Variants in TIMP3 observed in about 807,000 individuals in gnomAD.
The protein encoded by TIMP3 is metalloproteinase inhibitor 3.
TIMP3 carries 11 observed loss-of-function variants against 30.0 expected under a neutral mutation model. The ratio of observed to expected loss-of-function variants is 0.37; its 90% CI spans 0.23 to 0.61. The LOEUF (loss-of-function observed/expected upper bound fraction) is 0.61. TIMP3 is among the 20% of genes least tolerant of loss of function. The probability of loss-of-function intolerance (pLI) is 0.70; values close to 1 mark genes in which losing one functional copy is unlikely to be tolerated. For synonymous variants in TIMP3, 112 were observed against 111.3 expected, an observed-to-expected ratio of 1.01 and a Z score of -0.04; for missense variants, 181 against 276.8, an observed-to-expected ratio of 0.65 and a Z score of 2.45.
chr22:32,803,752 G>A (rs1265755376), intron 1 of TIMP3, among the ~76,000 whole-genome samples: 7 of 152,188 alleles, frequency 4.6e-5, no homozygotes, highest in Non-Finnish European at 2.9e-5. Flanking sequence ...ACACACGTGC[G>A]GCCAGGAGGC....
intron 1 of TIMP3, among the ~76,000 whole-genome samples, chr22:32,815,438 T>C (rs1281105521): frequency 6.6e-6 from 1 of 152,218 alleles, no homozygotes; most frequent in Admixed American, 6.5e-5. Flanking sequence ...GATAATATTT[T>C]AACATTTATT....
intron 1 of TIMP3, among the ~76,000 whole-genome samples, chr22:32,802,731 C>T (rs1355540946): frequency 6.6e-6 from 1 of 152,150 alleles, no homozygotes; most frequent in East Asian, 1.9e-4. Context: ...GTGGCATTGA[C>T]CCACGCCCTG....
chr22:32,834,309 C>T (rs1183316329), intron 1 of TIMP3, among the ~76,000 whole-genome samples: 1 of 140,458 alleles, frequency 7.1e-6, no homozygotes, highest in Non-Finnish European at 1.5e-5. Context: ...CCCTCCACCA[C>T]ATCTGGCTAA....
rs555395844 is a variant in TIMP3 at position 32,826,681 on chromosome 22, CTTAG to C, written c.122-22766_122-22763del. 5.9e-5 allele frequency among the ~76,000 whole-genome samples: 9 copies of C among 152,308 alleles called. No homozygotes were observed. The South Asian group carries it at 8.3e-4, about 14-fold the overall frequency. On this transcript the variant is annotated intron_variant, in intron 1 of 4. Coordinates refer to ENST00000266085, the MANE Select transcript of TIMP3 (RefSeq NM_000362.5). ...TTCTCTTCTCTGAACTTCCTGGCATCTTAGTTAGCCTATTTGAGCTGGAATAAAA... is the reference window on the plus strand; with the variant it reads ...TTCTCTTCTCTGAACTTCCTGGCATCTTAGCCTATTTGAGCTGGAATAAAA...
intron 1 of TIMP3, among the ~76,000 whole-genome samples, chr22:32,829,293 C>T (rs1202549990): frequency 6.6e-6 from 1 of 152,232 alleles, no homozygotes; most frequent in African/African-American, 2.4e-5. Context: ...AATTGCTCCC[C>T]CAGCTTACTG....
At chr22:32,826,490 G>C (rs1167106477) in intron 1 of TIMP3, among the ~76,000 whole-genome samples, 14 of 152,012 alleles carry the variant, frequency 9.2e-5, no homozygotes, top group African/African-American at 3.1e-4. Flanking sequence ...AAAATAAAGA[G>C]CATGGAGAAA....
At chr22:32,846,156 A>C (rs1377413391) in intron 1 of TIMP3, among the ~76,000 whole-genome samples, 1 of 152,184 alleles carries the variant, frequency 6.6e-6, no homozygotes, top group Non-Finnish European at 1.5e-5. Context: ...TGGAACCATG[A>C]CTGTGATCTT....
At position 32,862,224 on chromosome 22, in the gene TIMP3, G is replaced by T. The variant is rs1009497734; in HGVS notation, c.*2847G>T. Reference sequence around the variant, plus strand: ...AGCCATGATTTTCCTAAGAATCCAGGGCCATGGGAGATACAATTCCAAGTT... The same window carrying T: ...AGCCATGATTTTCCTAAGAATCCAGTGCCATGGGAGATACAATTCCAAGTT... On this transcript the variant is annotated 3_prime_UTR_variant, in exon 5 of 5. Coordinates refer to ENST00000266085, the MANE Select transcript of TIMP3 (RefSeq NM_000362.5). 6.6e-6 allele frequency: 1 copy of T among 152,168 alleles called. No homozygotes were observed. The highest frequency in any genetic ancestry group is 2.4e-5 in the African/African-American group (1 of 41,416). The allele number at this position is 152,168 out of a possible 1,614,324, so 9.4% of individuals were successfully genotyped here.
At chr22:32,812,216 T>C (rs2046934461) in intron 1 of TIMP3, among the ~76,000 whole-genome samples, 1 of 152,208 alleles carries the variant, frequency 6.6e-6, no homozygotes, top group African/African-American at 2.4e-5. Context: ...CTCTCTACTT[T>C]AGCTGAATAA....
intron 1 of TIMP3, among the ~76,000 whole-genome samples, chr22:32,822,800 T>A (rs2047288142): frequency 6.6e-6 from 1 of 152,066 alleles, no homozygotes; most frequent in Non-Finnish European, 1.5e-5. Flanking sequence ...TAATGGATGG[T>A]CCAAAGAAAG....
chr22:32,837,285 G>A lies in TIMP3; in HGVS notation c.122-12167G>A, dbSNP rs771807445. Among the ~76,000 whole-genome samples the A allele has an allele frequency of 2.2e-4, 34 of 152,208 alleles. No homozygotes were observed. The highest frequency in any genetic ancestry group is 3.8e-4 in the Non-Finnish European group (26 of 68,050). On this transcript the variant is annotated intron_variant, in intron 1 of 4. Coordinates refer to ENST00000266085, the MANE Select transcript of TIMP3 (RefSeq NM_000362.5). This position sits in a 1 kb window ranked among gnomAD's most constrained non-coding sequence, Gnocchi z 4.1. ...ACTTGTGTGGGATAAAGTTTCCCAT[G>A]GGCCCCCGTGGAGAGGCTGGAGCAC... is the stretch of plus-strand genomic sequence containing the variant.
intron 1 of TIMP3, among the ~76,000 whole-genome samples, chr22:32,808,879 T>C (rs1467891120): frequency 6.6e-6 from 1 of 152,160 alleles, no homozygotes; most frequent in East Asian, 1.9e-4. Context: ...AGAAAGAACT[T>C]AGGGCTGCGT....
chr22:32,811,493 G>C, intron 1 of TIMP3, among the ~76,000 whole-genome samples: 1 of 152,148 alleles, frequency 6.6e-6, no homozygotes, highest in Admixed American at 6.5e-5. Flanking sequence ...AGAGAGCTGA[G>C]TTTCAATTCA....
chr22:32,846,235 T>C (rs960160415), intron 1 of TIMP3, among the ~76,000 whole-genome samples: 1 of 152,216 alleles, frequency 6.6e-6, no homozygotes, highest in African/African-American at 2.4e-5. Flanking sequence ...GTACATGTGA[T>C]AGAGTAGGCA....
chr22:32,807,936 A>G (rs1375132071), intron 1 of TIMP3, among the ~76,000 whole-genome samples: 3 of 152,210 alleles, frequency 2.0e-5, no homozygotes, highest in Non-Finnish European at 4.4e-5. Context: ...TCTCTCAAAT[A>G]GAAAAACAAT....
rs2048159184 is a variant in TIMP3 at position 32,849,496 on chromosome 22, C to T, written c.166C>T (p.Pro56Ser). 1 of 1,613,716 alleles carries T rather than the reference C, an allele frequency of 6.2e-7. No homozygotes were observed. Among genetic ancestry groups the T allele is most frequent in the Non-Finnish European group, 8.5e-7 (1 of 1,179,856 alleles). ...VVGKKLVKEG[P>S]FGTLVYTIKQ... Reference sequence around the variant, plus strand: ...GGGGAAGAAGCTGGTAAAGGAGGGGCCCTTCGGCACGCTGGTCTACACCAT... The same window carrying T: ...GGGGAAGAAGCTGGTAAAGGAGGGGTCCTTCGGCACGCTGGTCTACACCAT... The change falls in exon 2 of 5, where the codon CCC becomes TCC. Residue 56 changes from proline (P) to serine (S), a missense_variant. Pro to Ser is a moderately conservative substitution (Grantham distance 74). Around this residue, in one of 3 missense-constraint regions of TIMP3, gnomAD observed 71 missense variants for 79.7 expected, o/e 0.89. Coordinates refer to ENST00000266085, the MANE Select transcript of TIMP3 (RefSeq NM_000362.5).
At chr22:32,803,977 C>T (rs1011612997) in intron 1 of TIMP3, among the ~76,000 whole-genome samples, 4 of 152,096 alleles carry the variant, frequency 2.6e-5, no homozygotes, top group South Asian at 2.1e-4. Flanking sequence ...GGGGCCTTCC[C>T]GTCTGCTTAC....
At chr22:32,817,642 C>A (rs1220223798) in intron 1 of TIMP3, among the ~76,000 whole-genome samples, 1 of 152,168 alleles carries the variant, frequency 6.6e-6, no homozygotes, top group Non-Finnish European at 1.5e-5. Context: ...CACACATTTG[C>A]CAGATTTAAA....
At chr22:32,807,406 T>TATAATATATATTTA (rs2046792977) in intron 1 of TIMP3, among the ~76,000 whole-genome samples, 1 of 110,940 alleles carries the variant, frequency 9.0e-6, no homozygotes, top group Non-Finnish European at 1.8e-5. Context: ...TATATATATA[T>TATAATATATATTTA]TATATTTACA....
Sources: gnomAD v4.1 joint callset for allele counts (sites outside exome capture counted in the v4.1 genomes callset) on GRCh38, gnomAD v4.1.1 for gene constraint, gnomAD v4.1.1 regional missense constraint, Gnocchi (gnomAD v3.1) non-coding constraint, MANE v1.5 for transcripts, NCBI Gene and HGNC (gene_info 2026-07-23, HGNC 2026-07-21) for gene names.